CNTN5: variants seen among roughly 807,000 people sequenced by gnomAD.
CNTN5 encodes contactin-5.
A neutral mutation model predicts 129.1 loss-of-function variants in CNTN5; 77 were observed. The observed-to-expected ratio is 0.60, with a 90% CI of 0.50 to 0.72. CNTN5 has a LOEUF of 0.72. Ranked by LOEUF, CNTN5 falls within the 30% of genes least tolerant of loss-of-function variation. The probability of loss-of-function intolerance (pLI) is 0.00; values close to 1 mark genes in which losing one functional copy is unlikely to be tolerated. For synonymous variants in CNTN5, 509 were observed against 465.6 expected, an observed-to-expected ratio of 1.09 and a Z score of -1.20; for missense variants, 1,478 against 1,328.8, an observed-to-expected ratio of 1.11 and a Z score of -1.75.
At chr11:99,143,176 A>G (rs1411982699) in intron 1 of CNTN5, among the ~76,000 whole-genome samples, 2 of 151,970 alleles carry the variant, frequency 1.3e-5, no homozygotes, top group African/African-American at 2.4e-5. Flanking sequence ...TTTAACAAGC[A>G]AACAAAAAAA....
At chr11:99,792,635 G>A (rs1475454558) in intron 3 of CNTN5, among the ~76,000 whole-genome samples, 3 of 151,120 alleles carry the variant, frequency 2.0e-5, no homozygotes, top group Non-Finnish European at 1.5e-5. Flanking sequence ...TGGCCTCATG[G>A]AATGAGGTAG....
intron 3 of CNTN5, among the ~76,000 whole-genome samples, chr11:99,572,465 C>G (rs1949206127): frequency 6.6e-6 from 1 of 152,078 alleles, no homozygotes; most frequent in Non-Finnish European, 1.5e-5. Context: ...ATTAGTTTGC[C>G]TAAAAAGGTC....
chr11:99,104,917 A>G (rs1227677492), intron 1 of CNTN5, among the ~76,000 whole-genome samples: 3 of 152,310 alleles, frequency 2.0e-5, no homozygotes. Context: ...TAAAATAAAG[A>G]CAAGATTAGT....
At chr11:99,206,978 T>A (rs2135653361) in intron 1 of CNTN5, among the ~76,000 whole-genome samples, 1 of 152,202 alleles carries the variant, frequency 6.6e-6, no homozygotes, top group African/African-American at 2.4e-5. Flanking sequence ...GATGTAGTAA[T>A]TGTAATTCTC....
At chr11:99,286,061 C>T (rs1398275523) in intron 1 of CNTN5, among the ~76,000 whole-genome samples, 4 of 137,892 alleles carry the variant, frequency 2.9e-5, no homozygotes, top group Non-Finnish European at 4.7e-5. Flanking sequence ...AAAAAAAAAG[C>T]AGAGAAAATT....
intron 3 of CNTN5, among the ~76,000 whole-genome samples, chr11:99,709,955 A>G (rs1435682002): frequency 2.0e-5 from 3 of 151,850 alleles, no homozygotes; most frequent in Non-Finnish European, 4.4e-5. Context: ...ATTAAAGTAC[A>G]TTTGTGATTT....
At chr11:99,435,574 G>A (rs1943566887) in intron 2 of CNTN5, among the ~76,000 whole-genome samples, 2 of 152,148 alleles carry the variant, frequency 1.3e-5, no homozygotes, top group African/African-American at 2.4e-5. Context: ...AACAGCAAAT[G>A]GGGCTTGAAA....
At chr11:99,911,828 T>A (rs555455911) in intron 6 of CNTN5, among the ~76,000 whole-genome samples, 1 of 152,056 alleles carries the variant, frequency 6.6e-6, no homozygotes, top group East Asian at 1.9e-4. Flanking sequence ...ATGAAGTCTA[T>A]GAAGTCTTTC....
chr11:100,026,516 GTTC>G (rs1334515044), intron 9 of CNTN5, among the ~76,000 whole-genome samples: 1 of 152,148 alleles, frequency 6.6e-6, no homozygotes, highest in Non-Finnish European at 1.5e-5. Flanking sequence ...ATGAATGAGA[GTTC>G]TTCTTGTTCT....
At chr11:99,890,134 A>G (rs1473626929) in intron 6 of CNTN5, among the ~76,000 whole-genome samples, 1 of 152,194 alleles carries the variant, frequency 6.6e-6, no homozygotes, top group Non-Finnish European at 1.5e-5. Context: ...TATATTTGAC[A>G]TGAAGAATTG....
At chr11:99,341,687 G>A (rs557335894) in intron 2 of CNTN5, among the ~76,000 whole-genome samples, 2 of 152,014 alleles carry the variant, frequency 1.3e-5, no homozygotes, top group African/African-American at 4.8e-5. Flanking sequence ...ACAAAAAGAG[G>A]AAAAGAAAAG....
intron 3 of CNTN5, among the ~76,000 whole-genome samples, chr11:99,628,722 TAGAGAGC>T (rs1951228643): frequency 6.6e-6 from 1 of 151,870 alleles, no homozygotes; most frequent in Non-Finnish European, 1.5e-5. Context: ...AGAAAATATT[TAGAGAGC>T]TAACAAAGGG....
At chr11:99,933,184 A>G (rs1323228522) in intron 7 of CNTN5, among the ~76,000 whole-genome samples, 1 of 152,204 alleles carries the variant, frequency 6.6e-6, no homozygotes, top group Non-Finnish European at 1.5e-5. Context: ...TTGATCACAT[A>G]TAATATAAAT....
At chr11:99,259,450 A>G (rs1374155735) in intron 1 of CNTN5, among the ~76,000 whole-genome samples, 1 of 151,874 alleles carries the variant, frequency 6.6e-6, no homozygotes, top group Admixed American at 6.6e-5. Context: ...TCATTACTCA[A>G]TGACATTTAT....
chr11:100,254,978 G>A (rs188239103), intron 16 of CNTN5, among the ~76,000 whole-genome samples: 6 of 152,170 alleles, frequency 3.9e-5, no homozygotes, highest in South Asian at 2.1e-4. Context: ...AAACACAATG[G>A]CACATTTCTC....
chr11:99,262,918 G>C (rs1047607793), intron 1 of CNTN5, among the ~76,000 whole-genome samples: 4 of 151,976 alleles, frequency 2.6e-5, no homozygotes, highest in Non-Finnish European at 5.9e-5. Flanking sequence ...TAAGGTGAAA[G>C]ATAATAAGAA....
intron 3 of CNTN5, among the ~76,000 whole-genome samples, chr11:99,656,533 A>AAAGG (rs398115716): frequency 6.6e-6 from 1 of 152,034 alleles, no homozygotes; most frequent in Non-Finnish European, 1.5e-5. Context: ...TGGAAGAAAG[A>AAAGG]TAGTTTAGTA....
At chr11:100,200,197 G>A (rs1591385342) in intron 15 of CNTN5, among the ~76,000 whole-genome samples, 1 of 151,908 alleles carries the variant, frequency 6.6e-6, no homozygotes, top group East Asian at 1.9e-4. Context: ...GTACTGGAAA[G>A]TAGTGCTGTA....
At position 99,679,473 on chromosome 11, in the gene CNTN5, TAAG is replaced by T. The variant is rs141741674; in HGVS notation, c.55+123205_55+123207del. Among the ~76,000 whole-genome samples, 1,259 of 152,192 alleles carry T rather than the reference TAAG, an allele frequency of 8.3e-3. 14 individuals carry two copies. Among genetic ancestry groups the T allele is most frequent in the African/African-American group, 0.028 (1,173 of 41,532 alleles). On this transcript the variant is annotated intron_variant, in intron 3 of 24. Coordinates refer to ENST00000524871, the MANE Select transcript of CNTN5 (RefSeq NM_014361.4). ...ACTTTATTATTAATATTATGTCTCT[TAAG>T]GAGATCTTTGATCAGGGATCTTTGA...
Sources: gnomAD v4.1 joint callset for allele counts (sites outside exome capture counted in the v4.1 genomes callset) on GRCh38, gnomAD v4.1.1 for gene constraint, MANE v1.5 for transcripts, NCBI Gene and HGNC (gene_info 2026-07-23, HGNC 2026-07-21) for gene names.